The following MYL9 variants were observed in gnomAD, a reference collection of about 807,000 sequenced individuals.
MYL9 encodes myosin light chain 9.
A neutral mutation model predicts 12.8 loss-of-function variants in MYL9; 7 were observed. The ratio of observed to expected loss-of-function variants is 0.55; its 90% CI spans 0.31 to 1.03. The LOEUF (loss-of-function observed/expected upper bound fraction) is 1.03. MYL9 is among the 50% of genes least tolerant of loss of function. The pLI, the probability that MYL9 is intolerant of heterozygous loss-of-function variation, is 0.05. For synonymous variants in MYL9, 81 were observed against 87.8 expected (o/e 0.92, Z 0.43); for missense variants, 190 against 242.7 (o/e 0.78, Z 1.44).
chr20:36,546,061 C>G (rs1431589622), intron 2 of MYL9, among the ~76,000 whole-genome samples: 1 of 152,192 alleles, frequency 6.6e-6, no homozygotes, highest in Non-Finnish European at 1.5e-5. Context: ...CCATCTCAGG[C>G]TCTCATAGCC....
At position 36,549,294 on chromosome 20, in the gene MYL9, C is replaced by G. The variant is rs1409020130; in HGVS notation, c.*45C>G. On this transcript the variant is annotated 3_prime_UTR_variant, in exon 4 of 4. Transcript: ENST00000279022. Reference sequence around the variant, plus strand: ...ACCCCAGCCCCCGCCAGTCACCCCTCCCCGCACACACCCGTCCATACCAGC... The same window carrying G: ...ACCCCAGCCCCCGCCAGTCACCCCTGCCCGCACACACCCGTCCATACCAGC... 6.8e-7 allele frequency: 1 copy of G among 1,474,530 alleles called. No individual in the cohort carries two copies. Among genetic ancestry groups the G allele is most frequent in the South Asian group, 1.3e-5 (1 of 76,980 alleles). 91.3% of individuals were successfully genotyped at this position (1,474,530 alleles called of 1,614,324 possible).
rs2147898159 is a variant in MYL9, at chr20:36,547,617, C to T, written c.185-415C>T. Among the ~76,000 whole-genome samples the T allele has an allele frequency of 2.0e-5, 3 of 152,350 alleles. No homozygotes were observed. In the South Asian group the frequency reaches 6.2e-4, roughly 32 times the overall value. On this transcript the variant is annotated intron_variant, in intron 2 of 3. Coordinates refer to ENST00000279022, the MANE Select transcript of MYL9 (RefSeq NM_006097.5). ...AATGCCAGGTCTACTCAAGTCTCCTCCTTACTTGCTGTCTGACCCTGGACA... is the reference window on the plus strand; with the variant it reads ...AATGCCAGGTCTACTCAAGTCTCCTTCTTACTTGCTGTCTGACCCTGGACA...
At position 36,549,101 on chromosome 20, in the gene MYL9, G is replaced by C. The variant is rs1410002030; in HGVS notation, c.371G>C (p.Arg124Pro). The C allele has an allele frequency of 5.0e-6, 8 of 1,613,208 alleles. No homozygotes were observed. Among genetic ancestry groups the C allele is most frequent in the Non-Finnish European group, 6.8e-6 (8 of 1,179,880 alleles). The part of the protein sequence containing the change: ...ASGFIHEDHL[R>P]ELLTTMGDRF... ...GGTTTCATCCATGAGGACCACCTCC[G>C]GGAGCTGCTCACCACCATGGGTGAC... The change falls in exon 4 of 4, where the codon CGG becomes CCG. Residue 124 changes from arginine to proline, a missense_variant. By Grantham distance (103) the Arg-to-Pro change is moderately radical. Coordinates refer to ENST00000279022, the MANE Select transcript of MYL9 (RefSeq NM_006097.5).
rs1428922310 is a variant in MYL9, at chr20:36,550,189, T to G, written c.*940T>G. ...AGCCCTCAGGACTAAAGCTCCGGGT[T>G]CCAGAAGAACAGGGAGGCTCCAACA... On this transcript the variant is annotated 3_prime_UTR_variant, in exon 4 of 4. Coordinates refer to ENST00000279022, the MANE Select transcript of MYL9 (RefSeq NM_006097.5). 1 of 152,324 alleles carries G rather than the reference T, an allele frequency of 6.6e-6. No individual in the cohort carries two copies. Among genetic ancestry groups the G allele is most frequent in the Non-Finnish European group, 1.5e-5 (1 of 68,206 alleles). 9.4% of individuals were successfully genotyped at this position (152,324 alleles called of 1,614,324 possible).
chr20:36,547,121 T>G (rs2038110483), intron 2 of MYL9, among the ~76,000 whole-genome samples: 1 of 152,194 alleles, frequency 6.6e-6, no homozygotes, highest in African/African-American at 2.4e-5. Context: ...CCTGAACCCC[T>G]GAGACTTCAT....
At position 36,548,072 on chromosome 20, in the gene MYL9, C is replaced by T. The variant is rs368093790; in HGVS notation, c.225C>T (p.Ser75=). The change falls in exon 3 of 4, where the codon AGC becomes AGT. Residue 75 remains serine (S), a synonymous_variant. Transcript: ENST00000279022. ...PTDEYLEGMM[S]EAPGPINFTM... Reference sequence around the variant, plus strand: ...ACGAATACCTGGAGGGCATGATGAGCGAGGCCCCGGGGCCCATCAACTTCA... The same window carrying T: ...ACGAATACCTGGAGGGCATGATGAGTGAGGCCCCGGGGCCCATCAACTTCA... 79 of 1,613,156 alleles carry T rather than the reference C, an allele frequency of 4.9e-5. No individual in the cohort carries two copies. Among genetic ancestry groups the T allele is most frequent in the Non-Finnish European group, 6.1e-5 (72 of 1,179,510 alleles).
intron 2 of MYL9, 84 bp from the exon 3 acceptor site, chr20:36,547,947 CA>C: frequency 2.1e-6 from 3 of 1,440,754 alleles, no homozygotes; most frequent in Non-Finnish European, 2.8e-6. Flanking sequence ...CGGTGAAGGG[CA>C]GGGGTGGGGG....
Position 36,544,842 on chromosome 20 carries a change from C to G in MYL9, c.-26-17C>G. On this transcript the variant is annotated splice_polypyrimidine_tract_variant and intron_variant, in intron 1 of 3. Coordinates refer to ENST00000279022, the MANE Select transcript of MYL9 (RefSeq NM_006097.5). ...CCCAGAGTCACAGGGCCACCCAACC[C>G]CCACCCCTTCCTGCAGGGAAGCCCC... 6.3e-7 allele frequency: 1 copy of G among 1,583,194 alleles called. No homozygotes were observed. The highest frequency in any genetic ancestry group is 8.6e-7 in the Non-Finnish European group (1 of 1,160,472).
At position 36,542,900 on chromosome 20, in the gene MYL9, G is replaced by A. The variant is rs190738271; in HGVS notation, c.-27+1339G>A. Among the ~76,000 whole-genome samples, 931 of 152,326 alleles carry A rather than the reference G, an allele frequency of 6.1e-3. 6 individuals carry two copies. Among genetic ancestry groups the A allele is most frequent in the Non-Finnish European group, 8.6e-3 (582 of 68,020 alleles). On this transcript the variant is annotated intron_variant, in intron 1 of 3. Coordinates refer to ENST00000279022, the MANE Select transcript of MYL9 (RefSeq NM_006097.5). ...GACCGGGTGGCCATGAAGGCAGAGG[G>A]GCCCAGCTGGGCTCAGACCCAGCTG...
intron 1 of MYL9, among the ~76,000 whole-genome samples, chr20:36,543,339 G>A (rs1237685700): frequency 6.6e-6 from 1 of 152,194 alleles, no homozygotes; most frequent in African/African-American, 2.4e-5. Context: ...GCCAAGGACC[G>A]AGAATGACTT....
At chr20:36,545,853 G>T (rs1242398914) in intron 2 of MYL9, among the ~76,000 whole-genome samples, 3 of 152,130 alleles carry the variant, frequency 2.0e-5, no homozygotes, top group African/African-American at 7.2e-5. Context: ...CTGGGAGGCG[G>T]AGTTTGCAGT....
chr20:36,548,994 G>A (rs1600749922), intron 3 of MYL9, 83 bp from the exon 4 acceptor site: 1 of 1,396,696 alleles, frequency 7.2e-7, no homozygotes, highest in East Asian at 2.3e-5. Flanking sequence ...GTCTGCAAGA[G>A]CTGCCAGGGG....
intron 2 of MYL9, among the ~76,000 whole-genome samples, chr20:36,546,960 A>T (rs2038108124): frequency 6.6e-6 from 1 of 152,172 alleles, no homozygotes; most frequent in South Asian, 2.1e-4. Flanking sequence ...TGGTGAGAGA[A>T]GGGGCTGGCC....
Position 36,548,212 on chromosome 20 carries a change from C to CA in MYL9, c.346+20dup. 1 of 1,591,384 alleles carries CA rather than the reference C, an allele frequency of 6.3e-7. No homozygotes were observed. ...GCCTCAGGTCCGTGGCGCCCCCTAC[C>CA]ACCACTCTGCATGCAAGTGGAACAG... On this transcript the variant is annotated intron_variant, in intron 3 of 3. Coordinates refer to ENST00000279022, the MANE Select transcript of MYL9 (RefSeq NM_006097.5).
intron 2 of MYL9, among the ~76,000 whole-genome samples, chr20:36,546,354 T>C (rs1488254053): frequency 2.0e-5 from 3 of 152,094 alleles, no homozygotes; most frequent in Non-Finnish European, 4.4e-5. Flanking sequence ...CACAGCCCCG[T>C]GACAGTCAAG....
chr20:36,548,099 C>T lies in MYL9; in HGVS notation c.252C>T (p.Thr84=), dbSNP rs778073515. Residue 84 remains threonine (T), a synonymous_variant, in exon 3 of 4, where the codon ACC becomes ACT. Coordinates refer to ENST00000279022, the MANE Select transcript of MYL9 (RefSeq NM_006097.5). ...MSEAPGPINF[T]MFLTMFGEKL... is the part of the protein sequence containing the mutation. ...AGGCCCCGGGGCCCATCAACTTCAC[C>T]ATGTTCCTCACCATGTTTGGGGAGA... The T allele has an allele frequency of 1.9e-6, 3 of 1,613,888 alleles. No individual in the cohort carries two copies. The highest frequency in any genetic ancestry group is 3.3e-5 in the Admixed American group (2 of 59,982).
chr20:36,543,222 G>A (rs543314795), intron 1 of MYL9, among the ~76,000 whole-genome samples: 6 of 152,306 alleles, frequency 3.9e-5, no homozygotes, highest in East Asian at 1.9e-4. Flanking sequence ...TGGGTGTGTC[G>A]GTCCGTGGGA....
intron 3 of MYL9, 137 bp downstream of exon 3, chr20:36,548,330 C>A (rs1023429396): frequency 3.3e-6 from 4 of 1,219,066 alleles, no homozygotes. Flanking sequence ...AGCCAGGCCA[C>A]CTCCTTATTG....
At chr20:36,546,406 C>G (rs1389606075) in intron 2 of MYL9, among the ~76,000 whole-genome samples, 1 of 152,202 alleles carries the variant, frequency 6.6e-6, no homozygotes, top group African/African-American at 2.4e-5. Flanking sequence ...TGGTAGGGCC[C>G]TGTGCACTTT....
Sources: gnomAD v4.1 joint callset for allele counts (sites outside exome capture counted in the v4.1 genomes callset) on GRCh38, gnomAD v4.1.1 for gene constraint, MANE v1.5 for transcripts, NCBI Gene and HGNC (gene_info 2026-07-23, HGNC 2026-07-21) for gene names.